The following MTUS2 variants were observed in gnomAD, a reference collection of about 807,000 sequenced individuals.
MTUS2 encodes the protein microtubule-associated tumor suppressor candidate 2.
A neutral mutation model predicts 114.1 loss-of-function variants in MTUS2; 40 were observed. That is an observed-to-expected ratio of 0.35 (90% CI 0.27 to 0.46). The LOEUF (loss-of-function observed/expected upper bound fraction) is 0.46, where lower values mean the gene tolerates loss of function less well. MTUS2 is among the 20% of genes least tolerant of loss of function. The pLI is 1.00. For missense variants in MTUS2, 1,679 were observed against 1,705.4 expected, an observed-to-expected ratio of 0.98 and a Z score of 0.27; for synonymous variants, 688 against 672.0, an observed-to-expected ratio of 1.02 and a Z score of -0.37.
At chr13:29,122,766 A>G (rs1891363513) in intron 5 of MTUS2, among the ~76,000 whole-genome samples, 2 of 152,156 alleles carry the variant, frequency 1.3e-5, no homozygotes, top group South Asian at 4.1e-4. Context: ...TACCTTCTTG[A>G]TCAGAAACAG....
At chr13:29,343,071 T>C (rs1901480612) in intron 7 of MTUS2, among the ~76,000 whole-genome samples, 1 of 144,718 alleles carries the variant, frequency 6.9e-6, no homozygotes, top group African/African-American at 2.5e-5. Context: ...TAGTATTTTG[T>C]TGAGGATTTT....
At chr13:28,860,998 T>C (rs1287744123) in intron 2 of MTUS2, among the ~76,000 whole-genome samples, 1 of 152,114 alleles carries the variant, frequency 6.6e-6, no homozygotes, top group Admixed American at 6.5e-5. Context: ...GGGAATCTTA[T>C]CAGCCTGCTG....
At chr13:29,048,341 TC>T (rs1285718840) in intron 4 of MTUS2, among the ~76,000 whole-genome samples, 1 of 152,242 alleles carries the variant, frequency 6.6e-6, no homozygotes, top group Non-Finnish European at 1.5e-5. Flanking sequence ...CTGTGTCATT[TC>T]TTGGTCAGTT....
intron 1 of MTUS2, among the ~76,000 whole-genome samples, chr13:28,831,188 A>G (rs1432923849): frequency 2.0e-5 from 3 of 152,228 alleles, no homozygotes; most frequent in Non-Finnish European, 2.9e-5. Context: ...GATATATTGA[A>G]AAATATCTAT....
intron 1 of MTUS2, among the ~76,000 whole-genome samples, chr13:28,821,611 C>T (rs990984894): frequency 2.6e-5 from 4 of 152,192 alleles, no homozygotes; most frequent in African/African-American, 9.6e-5. Flanking sequence ...CTGGGAACAG[C>T]CCTTGTCCCT....
chr13:29,400,346 A>C (rs952679228), intron 8 of MTUS2, among the ~76,000 whole-genome samples: 6 of 152,228 alleles, frequency 3.9e-5, no homozygotes, highest in African/African-American at 1.4e-4. Flanking sequence ...CTCCAGTGAC[A>C]TGGTGGGGGG....
At position 28,897,977 on chromosome 13, in the gene MTUS2, C is replaced by T. The variant is rs189785460; in HGVS notation, c.-243+58127C>T. ...ATGACGAGTTAATGGGTGCAGCACA[C>T]CAACACGGCACATGTATACATATGT... On this transcript the variant is annotated intron_variant, in intron 2 of 15. Coordinates refer to ENST00000612955, the MANE Select transcript of MTUS2 (RefSeq NM_001033602.4). Among the ~76,000 whole-genome samples the T allele has an allele frequency of 9.9e-5, 15 of 151,924 alleles. No individual in the cohort carries two copies. In the East Asian group the frequency reaches 2.9e-3, roughly 29 times the overall value.
At chr13:29,390,269 A>G (rs1313663655) in intron 8 of MTUS2, among the ~76,000 whole-genome samples, 1 of 151,850 alleles carries the variant, frequency 6.6e-6, no homozygotes, top group Non-Finnish European at 1.5e-5. Flanking sequence ...TAGGATCAGG[A>G]GTGTATAAGA....
chr13:29,242,371 C>A (rs1386132986), intron 5 of MTUS2, among the ~76,000 whole-genome samples: 1 of 152,212 alleles, frequency 6.6e-6, no homozygotes, highest in Non-Finnish European at 1.5e-5. Context: ...TTCTGAGGCT[C>A]ATCTGTCTTG....
At chr13:29,153,958 T>C (rs1210443797) in intron 5 of MTUS2, among the ~76,000 whole-genome samples, 1 of 152,184 alleles carries the variant, frequency 6.6e-6, no homozygotes, top group Admixed American at 6.5e-5. Context: ...GAAAGGGTAT[T>C]GAGGTGGCTC....
At chr13:29,308,080 A>C (rs1056370488) in intron 6 of MTUS2, among the ~76,000 whole-genome samples, 3 of 152,242 alleles carry the variant, frequency 2.0e-5, no homozygotes, top group African/African-American at 7.2e-5. Flanking sequence ...GGAACCAAAA[A>C]AGATCCTGAA....
intron 6 of MTUS2, among the ~76,000 whole-genome samples, chr13:29,297,035 G>A (rs141693419): frequency 5.9e-5 from 9 of 152,202 alleles, no homozygotes; most frequent in East Asian, 1.9e-4. Context: ...CCAATGTCCC[G>A]AAGTATTTCT....
At chr13:29,312,093 A>G (rs1338094775) in intron 6 of MTUS2, among the ~76,000 whole-genome samples, 2 of 152,118 alleles carry the variant, frequency 1.3e-5, no homozygotes. Context: ...CCCTCTTGAC[A>G]AGTCTCGCAT....
At chr13:29,114,708 G>T (rs912183488) in intron 5 of MTUS2, among the ~76,000 whole-genome samples, 1 of 152,160 alleles carries the variant, frequency 6.6e-6, no homozygotes, top group South Asian at 2.1e-4. Context: ...CCTCTTCCTG[G>T]TTTTCTTGAA....
At chr13:29,267,891 T>C (rs1193708758) in intron 5 of MTUS2, among the ~76,000 whole-genome samples, 1 of 152,192 alleles carries the variant, frequency 6.6e-6, no homozygotes, top group African/African-American at 2.4e-5. Flanking sequence ...GCTCAGAAGC[T>C]TCTGGTGCTG....
chr13:29,427,192 T>A lies in MTUS2; in HGVS notation c.3118-12791T>A, dbSNP rs75344812. Among the ~76,000 whole-genome samples, 300 of 152,314 alleles carry A rather than the reference T, an allele frequency of 2.0e-3. 12 individuals carry two copies. The East Asian group carries it at 0.049, about 25-fold the overall frequency. On this transcript the variant is annotated intron_variant, in intron 8 of 15. Transcript: ENST00000612955. ...TCACGAGAGGGTAAAAAGTGGACAT[T>A]CACTCCCTCCTGTTTTCCATTCCTT...
At chr13:29,353,851 C>A (rs1199932732) in intron 7 of MTUS2, among the ~76,000 whole-genome samples, 1 of 152,156 alleles carries the variant, frequency 6.6e-6, no homozygotes, top group Non-Finnish European at 1.5e-5. Context: ...TAAGTATTGT[C>A]CCACTAATCC....
At chr13:28,952,693 A>G (rs1882869429) in intron 2 of MTUS2, among the ~76,000 whole-genome samples, 1 of 152,242 alleles carries the variant, frequency 6.6e-6, no homozygotes, top group Admixed American at 6.5e-5. Flanking sequence ...TAAATGGTAT[A>G]TTAAACACAC....
chr13:29,247,622 G>A (rs570914728), intron 5 of MTUS2, among the ~76,000 whole-genome samples: 2 of 152,130 alleles, frequency 1.3e-5, no homozygotes, highest in African/African-American at 2.4e-5. Flanking sequence ...AAGAAGATAC[G>A]TAAATGGCCA....
Sources: allele counts gnomAD v4.1 joint callset (sites outside exome capture counted in the v4.1 genomes callset), GRCh38; gene constraint gnomAD v4.1.1; transcripts MANE v1.5; gene names NCBI Gene and HGNC (gene_info 2026-07-23, HGNC 2026-07-21).